Variants in TCF4 observed in about 807,000 individuals in gnomAD.
TCF4 encodes the protein SL3-3 enhancer factor 2.
Under a neutral mutation model 82.1 loss-of-function variants are expected in TCF4, and 3 were observed. That is an observed-to-expected ratio of 0.04 (90% CI 0.02 to 0.09). The LOEUF (loss-of-function observed/expected upper bound fraction) is 0.09, where lower values mean the gene tolerates loss of function less well. Ranked by LOEUF, TCF4 falls within the 10% of genes least tolerant of loss-of-function variation. TCF4 has a pLI of 1.00. For synonymous variants in TCF4, 276 were observed against 309.6 expected (o/e 0.89, Z 1.14); for missense variants, 518 against 852.7 (o/e 0.61, Z 4.89).
chr18:55,262,429 C>T (rs764365651), intron 11 of TCF4, among the ~76,000 whole-genome samples: 4 of 152,128 alleles, frequency 2.6e-5, no homozygotes, highest in Non-Finnish European at 4.4e-5. Context: ...GTTGTATTTA[C>T]TAAAGCCTCA....
At chr18:55,525,051 T>C (rs1268920285) in intron 3 of TCF4, among the ~76,000 whole-genome samples, 3 of 152,132 alleles carry the variant, frequency 2.0e-5, no homozygotes, top group Admixed American at 6.6e-5. Flanking sequence ...TTCTTCTAGC[T>C]ACCCACCATA....
At chr18:55,525,911 T>C (rs752457150) in intron 3 of TCF4, among the ~76,000 whole-genome samples, 9 of 152,216 alleles carry the variant, frequency 5.9e-5, no homozygotes, top group Non-Finnish European at 1.0e-4. Flanking sequence ...GTAGTCATTA[T>C]TACTGATAAT....
chr18:55,377,882 T>C (rs2091132392), intron 6 of TCF4, among the ~76,000 whole-genome samples: 1 of 152,242 alleles, frequency 6.6e-6, no homozygotes, highest in South Asian at 2.1e-4. Context: ...TTAACTACTT[T>C]GTAGCTCTAG....
At chr18:55,496,896 C>CAAAAAAAAAAAAAAAAAAAAAA (rs60244407) in intron 3 of TCF4, among the ~76,000 whole-genome samples, 2 of 108,710 alleles carry the variant, frequency 1.8e-5, no homozygotes, top group Non-Finnish European at 1.9e-5. Flanking sequence ...TGTAAAATTA[C>CAAAAAAAAAAAAAAAAAAAAAA]AAAAAAAAAA....
At chr18:55,386,432 C>G (rs2092610712) in intron 6 of TCF4, among the ~76,000 whole-genome samples, 1 of 152,164 alleles carries the variant, frequency 6.6e-6, no homozygotes, top group African/African-American at 2.4e-5. Context: ...CTCTTGTGCA[C>G]TCTTTCCTAA....
intron 6 of TCF4, among the ~76,000 whole-genome samples, chr18:55,361,369 G>A (rs1569184821): frequency 1.1e-4 from 16 of 152,172 alleles, no homozygotes. Context: ...GCCAGCCACT[G>A]TTCTAGGCAC....
At chr18:55,569,428 C>T (rs9959837) in intron 3 of TCF4, among the ~76,000 whole-genome samples, 1,959 of 151,996 alleles carry the variant, frequency 0.013, 34 homozygotes, top group Middle Eastern at 0.044. Flanking sequence ...AACTGTAGTC[C>T]CAGCTACTTG....
At chr18:55,309,103 A>G (rs1438324517) in intron 8 of TCF4, among the ~76,000 whole-genome samples, 2 of 151,638 alleles carry the variant, frequency 1.3e-5, no homozygotes, top group Non-Finnish European at 2.9e-5. Context: ...ATTTATTATT[A>G]TTATTATTAT....
intron 2 of TCF4, among the ~76,000 whole-genome samples, chr18:55,611,567 AT>A (rs1465794734): frequency 6.6e-6 from 1 of 152,234 alleles, no homozygotes; most frequent in Admixed American, 6.5e-5. Context: ...AAAGCATAAC[AT>A]TGCTTTCCCC....
chr18:55,324,964 C>A (rs1357182075), intron 8 of TCF4, among the ~76,000 whole-genome samples: 1 of 152,120 alleles, frequency 6.6e-6, no homozygotes, highest in African/African-American at 2.4e-5. Context: ...TCCAAAAAGT[C>A]TTTGACAGAT....
chr18:55,533,835 C>A (rs1211310373), intron 3 of TCF4, among the ~76,000 whole-genome samples: 1 of 152,182 alleles, frequency 6.6e-6, no homozygotes, highest in African/African-American at 2.4e-5. Flanking sequence ...TGTACCTCCA[C>A]CTCTTATCGT....
intron 3 of TCF4, among the ~76,000 whole-genome samples, chr18:55,531,904 C>T (rs1461893571): frequency 6.6e-6 from 1 of 152,184 alleles, no homozygotes; most frequent in Non-Finnish European, 1.5e-5. Flanking sequence ...TGAATATAAT[C>T]TGGCATATCT....
chr18:55,377,606 T>A (rs931216580), intron 6 of TCF4, among the ~76,000 whole-genome samples: 1 of 152,238 alleles, frequency 6.6e-6, no homozygotes, highest in Non-Finnish European at 1.5e-5. Flanking sequence ...TGAAGCACCA[T>A]AGCCTTTATG....
At chr18:55,452,068 A>C (rs949983285) in intron 5 of TCF4, among the ~76,000 whole-genome samples, 2 of 152,100 alleles carry the variant, frequency 1.3e-5, no homozygotes, top group Non-Finnish European at 2.9e-5. Flanking sequence ...CTAGAGAAAA[A>C]CTTTTTCTAC....
At chr18:55,275,539 G>C in intron 10 of TCF4, 80 bp downstream of exon 10, 2 of 1,586,600 alleles carry the variant, frequency 1.3e-6, no homozygotes, top group Non-Finnish European at 1.7e-6. Flanking sequence ...CAGAGTCCTT[G>C]TGTATATGCA....
intron 15 of TCF4, among the ~76,000 whole-genome samples, chr18:55,235,939 C>T (rs1175015584): frequency 6.6e-6 from 1 of 152,146 alleles, no homozygotes; most frequent in Non-Finnish European, 1.5e-5. Context: ...AACAAATTCA[C>T]AGGACCTAAT....
At chr18:55,411,710 C>T (rs866334710) in intron 5 of TCF4, among the ~76,000 whole-genome samples, 6 of 152,024 alleles carry the variant, frequency 3.9e-5, no homozygotes, top group East Asian at 1.9e-4. Flanking sequence ...TACGTGAATT[C>T]GGTAGAGTCT....
intron 3 of TCF4, among the ~76,000 whole-genome samples, chr18:55,547,355 AC>A (rs1481373416): frequency 3.9e-5 from 6 of 152,220 alleles, no homozygotes; most frequent in Admixed American, 1.3e-4. Context: ...TTTCTGTCAA[AC>A]TGACAGCCAT....
intron 5 of TCF4, among the ~76,000 whole-genome samples, chr18:55,406,149 T>TA (rs2094076659): frequency 7.5e-6 from 1 of 133,018 alleles, no homozygotes; most frequent in African/African-American, 3.0e-5. Flanking sequence ...TTTTTTTTTT[T>TA]AAGGATTATG....
Sources: gnomAD v4.1 joint callset for allele counts (sites outside exome capture counted in the v4.1 genomes callset) on GRCh38, gnomAD v4.1.1 for gene constraint, MANE v1.5 for transcripts, NCBI Gene and HGNC (gene_info 2026-07-23, HGNC 2026-07-21) for gene names.